Variants in FIP1L1 observed in about 807,000 individuals in gnomAD.
FIP1L1 encodes pre-mRNA 3'-end-processing factor FIP1.
Under a neutral mutation model 84.6 loss-of-function variants are expected in FIP1L1, and 21 were observed. That is an observed-to-expected ratio of 0.25 (90% CI 0.18 to 0.36). The LOEUF (loss-of-function observed/expected upper bound fraction) is 0.36. Among genes scored for constraint, FIP1L1 ranks in the 10% least tolerant of loss-of-function variants. The pLI is 1.00. For synonymous variants in FIP1L1, 263 were observed against 242.3 expected (o/e 1.09, Z -0.80); for missense variants, 526 against 751.1 (o/e 0.70, Z 3.50).
chr4:53,381,510 A>C (rs990784678), intron 3 of FIP1L1, among the ~76,000 whole-genome samples: 1 of 152,168 alleles, frequency 6.6e-6, no homozygotes, highest in African/African-American at 2.4e-5. Flanking sequence ...TTATAGCTGC[A>C]TATTTGTTTT....
rs1743194310 is a variant in FIP1L1, at chr4:53,389,849, G to A, written c.373G>A (p.Gly125Arg). The change falls in exon 6 of 18, where the codon GGG becomes AGG. Residue 125 changes from glycine (G) to arginine (R), a missense_variant. Around this residue, in one of 6 missense-constraint regions of FIP1L1, gnomAD observed 169 missense variants for 206.9 expected, o/e 0.82. Coordinates refer to ENST00000337488, the MANE Select transcript of FIP1L1 (RefSeq NM_030917.4). ...ACCTGTAAATCTTAACATCAAGACA[G>A]GGGGAAGAGTTTATGGAACTACAGG... Reference protein sequence around the residue: ...TAPVNLNIKTGGRVYGTTGTK... With the variant: ...TAPVNLNIKTRGRVYGTTGTK... 1 of 1,601,316 alleles carries A rather than the reference G, an allele frequency of 6.2e-7. No individual in the cohort carries two copies. The highest frequency in any genetic ancestry group is 1.7e-5 in the Admixed American group (1 of 57,240).
At chr4:53,450,029 C>CT (rs2150352036) in intron 15 of FIP1L1, among the ~76,000 whole-genome samples, 1 of 152,186 alleles carries the variant, frequency 6.6e-6, no homozygotes, top group East Asian at 1.9e-4. Flanking sequence ...CAAAAACCAA[C>CT]TTTCAGTTTT....
chr4:53,391,899 A>T (rs999447911), intron 9 of FIP1L1, among the ~76,000 whole-genome samples: 1 of 152,214 alleles, frequency 6.6e-6, no homozygotes, highest in Non-Finnish European at 1.5e-5. Context: ...GTTTATCTCT[A>T]TGACACTTAT....
chr4:53,378,251 C>G (rs74553497), intron 1 of FIP1L1: 31,548 of 263,812 alleles, frequency 0.12, 2,143 homozygotes, highest in East Asian at 0.16. Flanking sequence ...TTGTTTTTTT[C>G]TGTCGATTCT....
chr4:53,423,804 G>C (rs1763318535), intron 11 of FIP1L1, among the ~76,000 whole-genome samples: 1 of 152,076 alleles, frequency 6.6e-6, no homozygotes, highest in Non-Finnish European at 1.5e-5. Context: ...TTGCCATTTT[G>C]AATCTTTAGT....
rs115293270 is a variant in FIP1L1, at chr4:53,428,367, G to A, written c.1174+184G>A. ...TATTGCTATTTCAATATAGGAAAGA[G>A]ACAATGTTCTAAAATTAAGAAGAAT... On this transcript the variant is annotated intron_variant, in intron 13 of 17. Coordinates refer to ENST00000337488, the MANE Select transcript of FIP1L1 (RefSeq NM_030917.4). 3.4e-4 allele frequency: 181 copies of A among 530,544 alleles called. 1 individual carries two copies. The highest frequency in any genetic ancestry group is 3.3e-3 in the African/African-American group (170 of 51,712). 32.9% of individuals were successfully genotyped at this position (530,544 alleles called of 1,614,324 possible).
chr4:53,458,833 A>AT, intron 17 of FIP1L1, 43 bp downstream of exon 17: 1 of 1,580,624 alleles, frequency 6.3e-7, no homozygotes, highest in Non-Finnish European at 8.6e-7. Context: ...TATGTGAGAG[A>AT]TTTTGACTTA....
chr4:53,398,798 G>A (rs1748753467), intron 9 of FIP1L1, among the ~76,000 whole-genome samples: 1 of 152,130 alleles, frequency 6.6e-6, no homozygotes, highest in Non-Finnish European at 1.5e-5. Flanking sequence ...AGAGCAGAAA[G>A]GTTAGGCAAA....
chr4:53,383,741 A>G (rs781598231), intron 4 of FIP1L1, 32 bp from the exon 5 acceptor site: 2 of 1,566,486 alleles, frequency 1.3e-6, no homozygotes, highest in Non-Finnish European at 1.7e-6. Context: ...GGATTACTGA[A>G]TGTATTTTAT....
At chr4:53,445,333 A>G (rs764535418) in intron 15 of FIP1L1, among the ~76,000 whole-genome samples, 4 of 152,210 alleles carry the variant, frequency 2.6e-5, no homozygotes, top group Admixed American at 6.5e-5. Flanking sequence ...AACAGCAATA[A>G]GAAGTTGTGG....
intron 9 of FIP1L1, among the ~76,000 whole-genome samples, chr4:53,398,712 A>T (rs1442399884): frequency 6.6e-6 from 1 of 152,240 alleles, no homozygotes; most frequent in Non-Finnish European, 1.5e-5. Flanking sequence ...AGGTGAGTAT[A>T]AAAGCAGAAG....
intron 10 of FIP1L1, among the ~76,000 whole-genome samples, chr4:53,413,398 A>T (rs1235111858): frequency 2.0e-5 from 3 of 152,090 alleles, no homozygotes; most frequent in Non-Finnish European, 4.4e-5. Context: ...CATTTTCAAG[A>T]TGAAATTTCC....
At position 53,442,704 on chromosome 4, in the gene FIP1L1, A is replaced by G; in HGVS notation, c.1226A>G (p.Glu409Gly). ...APPPSLIPTI[E>G]SGHSSGYDSR... is the part of the protein sequence containing the mutation. ...CCTCCATCTCTTATACCAACAATAG[A>G]AAGGTAAATCAGTATGGATACTGAT... Residue 409 changes from glutamate to glycine, a missense_variant, in exon 14 of 18, where the codon GAA (glutamate) becomes GGA (glycine). This residue lies in a region of FIP1L1 where 83 missense variants were observed against 93.8 expected (regional missense o/e 0.88). Coordinates refer to ENST00000337488, the MANE Select transcript of FIP1L1 (RefSeq NM_030917.4). 1 of 1,590,494 alleles carries G rather than the reference A, an allele frequency of 6.3e-7. No homozygotes were observed.
At chr4:53,417,702 A>AGCTACTTTTTCTCTTT (rs199957788) in intron 11 of FIP1L1, among the ~76,000 whole-genome samples, 1 of 147,718 alleles carries the variant, frequency 6.8e-6, no homozygotes, top group African/African-American at 2.5e-5. Context: ...CCTGGATAAA[A>AGCTACTTTTTCTCTTT]GCTACTTTTT....
At chr4:53,409,933 T>G (rs1756232487) in intron 10 of FIP1L1, among the ~76,000 whole-genome samples, 1 of 152,238 alleles carries the variant, frequency 6.6e-6, no homozygotes, top group Non-Finnish European at 1.5e-5. Context: ...CCCTGACCCC[T>G]TGCGCTTCCT....
intron 11 of FIP1L1, among the ~76,000 whole-genome samples, chr4:53,420,084 G>T (rs1761569086): frequency 6.6e-6 from 1 of 151,178 alleles, no homozygotes; most frequent in Admixed American, 6.6e-5. Flanking sequence ...TGTAGTCCCA[G>T]CTACTCAGGA....
chr4:53,423,926 A>G (rs1763367648), intron 11 of FIP1L1, among the ~76,000 whole-genome samples: 4 of 152,216 alleles, frequency 2.6e-5, no homozygotes, highest in Admixed American at 2.6e-4. Context: ...TTTGAAAACT[A>G]GAGATCCTCA....
At chr4:53,381,126 AGT>A (rs762062002) in intron 3 of FIP1L1, among the ~76,000 whole-genome samples, 1 of 152,178 alleles carries the variant, frequency 6.6e-6, no homozygotes, top group Admixed American at 6.5e-5. Flanking sequence ...TTTCCTTTAC[AGT>A]GTTATTTTTC....
intron 15 of FIP1L1, among the ~76,000 whole-genome samples, chr4:53,451,120 A>C (rs187812313): frequency 2.0e-5 from 3 of 151,600 alleles, no homozygotes; most frequent in African/African-American, 7.3e-5. Flanking sequence ...ATGCGCCACC[A>C]TGCCTGGCTA....
Sources: gnomAD v4.1 joint callset for allele counts (sites outside exome capture counted in the v4.1 genomes callset) on GRCh38, gnomAD v4.1.1 for gene constraint, gnomAD v4.1.1 regional missense constraint, MANE v1.5 for transcripts, NCBI Gene and HGNC (gene_info 2026-07-23, HGNC 2026-07-21) for gene names.